Variants in RSU1 observed in about 807,000 individuals in gnomAD.
RSU1 encodes rsu-1.
A neutral mutation model predicts 31.1 loss-of-function variants in RSU1; 26 were observed. The ratio of observed to expected loss-of-function variants is 0.84; its 90% CI spans 0.61 to 1.16. The LOEUF (loss-of-function observed/expected upper bound fraction) is 1.16, where lower values mean the gene tolerates loss of function less well. Ranked by LOEUF, RSU1 falls within the 50% of genes most tolerant of loss-of-function variation. RSU1 has a pLI of 0.00. For synonymous variants in RSU1, 164 were observed against 136.3 expected (o/e 1.20, Z -1.41); for missense variants, 320 against 339.1 (o/e 0.94, Z 0.44).
chr10:16,714,585 G>C (rs73604881), intron 7 of RSU1, among the ~76,000 whole-genome samples: 1,863 of 152,216 alleles, frequency 0.012, 37 homozygotes, highest in African/African-American at 0.043. Context: ...GCACCGTACA[G>C]ATCTGCCTGT....
chr10:16,798,417 G>A (rs752465503), intron 2 of RSU1, among the ~76,000 whole-genome samples: 9 of 152,206 alleles, frequency 5.9e-5, no homozygotes, highest in Non-Finnish European at 1.0e-4. Context: ...GAGACCGGGT[G>A]GAGATAACTG....
At position 16,782,161 on chromosome 10, in the gene RSU1, A is replaced by C. The variant is rs1164653857; in HGVS notation, c.110-77T>G. ...CCGGATTCTACCTGTACTCCTACAA[A>C]GCAAACGGCAAAGTTATTTTCACAG... On this transcript the variant is annotated intron_variant, in intron 2 of 8. Transcript: ENST00000345264. The C allele has an allele frequency of 2.6e-6, 3 of 1,148,270 alleles. No individual in the cohort carries two copies. In the Admixed American group the frequency reaches 6.0e-5, roughly 23 times the overall value. 71.1% of individuals were successfully genotyped at this position (1,148,270 alleles called of 1,614,324 possible). A position where few individuals can be genotyped will look rare whatever the true frequency, so the allele number is the denominator to read the frequency against.
At chr10:16,696,066 C>T (rs554477442) in intron 7 of RSU1, among the ~76,000 whole-genome samples, 4 of 152,134 alleles carry the variant, frequency 2.6e-5, no homozygotes, top group East Asian at 1.9e-4. Flanking sequence ...AAAATGCGCT[C>T]GCCTATGAAA....
chr10:16,595,406 G>A (rs1015701732), intron 8 of RSU1, among the ~76,000 whole-genome samples: 16 of 152,272 alleles, frequency 1.1e-4, no homozygotes, highest in East Asian at 5.8e-4. Flanking sequence ...AGGTTCCATC[G>A]GCGGTCACTC....
At chr10:16,723,320 A>C (rs1018566482) in intron 7 of RSU1, 3 of 152,206 alleles carry the variant, frequency 2.0e-5, no homozygotes, top group Admixed American at 1.3e-4. Flanking sequence ...TGTTGCTGTC[A>C]CTTTAAATCT....
At position 16,783,364 on chromosome 10, in the gene RSU1, C is replaced by CTTTTTTTTTTTTTTT. The variant is rs57270890; in HGVS notation, c.110-1281_110-1280insAAAAAAAAAAAAAAA. Among the ~76,000 whole-genome samples the CTTTTTTTTTTTTTTT allele has an allele frequency of 1.7e-4, 23 of 132,054 alleles. 2 individuals carry two copies. The highest frequency in any genetic ancestry group is 2.9e-4 in the African/African-American group (9 of 30,996). 86.6% of individuals were successfully genotyped at this position (132,054 alleles called of 152,430 possible). A position where few individuals can be genotyped will look rare whatever the true frequency, so the allele number is the denominator to read the frequency against. On this transcript the variant is annotated intron_variant, in intron 2 of 8. Coordinates refer to ENST00000345264, the MANE Select transcript of RSU1 (RefSeq NM_012425.4). ...TCACTTCTACTGACCACAACTTTTG[C>CTTTTTTTTTTTTTTT]TTTTTTTTTTGAGACTGAGTCTCAC... is the stretch of plus-strand genomic sequence containing the variant.
intron 2 of RSU1, among the ~76,000 whole-genome samples, chr10:16,810,560 C>A (rs1838386772): frequency 6.6e-6 from 1 of 152,142 alleles, no homozygotes. Context: ...AGCCGCCCAA[C>A]TTCTCCTGGG....
intron 4 of RSU1, among the ~76,000 whole-genome samples, chr10:16,756,827 CTGTG>C (rs935360339): frequency 2.2e-5 from 3 of 137,364 alleles, no homozygotes; most frequent in Non-Finnish European, 4.6e-5. Flanking sequence ...GGGGTGTGTG[CTGTG>C]TGTGTGTGGT....
chr10:16,713,862 T>G (rs911707373), intron 7 of RSU1, among the ~76,000 whole-genome samples: 1 of 152,166 alleles, frequency 6.6e-6, no homozygotes, highest in African/African-American at 2.4e-5. Flanking sequence ...TGTAGATAGG[T>G]CCCAAGGTGT....
chr10:16,725,662 G>A (rs1836378808), intron 7 of RSU1, among the ~76,000 whole-genome samples: 1 of 151,612 alleles, frequency 6.6e-6, no homozygotes, highest in Admixed American at 6.6e-5. Flanking sequence ...CTCTTCTCCA[G>A]AGGATGCAGT....
intron 7 of RSU1, among the ~76,000 whole-genome samples, chr10:16,731,155 G>C (rs977773470): frequency 4.6e-5 from 7 of 152,044 alleles, no homozygotes; most frequent in Middle Eastern, 3.2e-3. Context: ...AAGTATTCTC[G>C]TGTCATTTTA....
At chr10:16,781,711 G>A (rs1368415678) in intron 3 of RSU1, among the ~76,000 whole-genome samples, 1 of 152,160 alleles carries the variant, frequency 6.6e-6, no homozygotes, top group African/African-American at 2.4e-5. Flanking sequence ...TTCAGGCCAG[G>A]CGCCACGGTT....
intron 2 of RSU1, among the ~76,000 whole-genome samples, chr10:16,801,637 T>C (rs994673191): frequency 6.6e-6 from 1 of 152,086 alleles, no homozygotes; most frequent in African/African-American, 2.4e-5. Context: ...GACCACATTC[T>C]GGGCCATAAA....
At chr10:16,641,349 G>A (rs908259831) in intron 8 of RSU1, among the ~76,000 whole-genome samples, 4 of 151,988 alleles carry the variant, frequency 2.6e-5, no homozygotes, top group South Asian at 2.1e-4. Context: ...AAAATTAACC[G>A]GGCGTGGTGA....
chr10:16,733,834 AAC>A (rs1564337429), intron 7 of RSU1, among the ~76,000 whole-genome samples: 2 of 152,242 alleles, frequency 1.3e-5, no homozygotes, highest in African/African-American at 4.8e-5. Context: ...GTTGAGAAAT[AAC>A]AGTCTCCAAG....
At chr10:16,763,306 G>C (rs139499785) in intron 4 of RSU1, among the ~76,000 whole-genome samples, 1 of 152,146 alleles carries the variant, frequency 6.6e-6, no homozygotes. Context: ...TGGTTCTACC[G>C]GCTGTATAGG....
At chr10:16,661,273 A>T (rs1328231164) in intron 8 of RSU1, among the ~76,000 whole-genome samples, 1 of 141,006 alleles carries the variant, frequency 7.1e-6, no homozygotes, top group East Asian at 2.1e-4. Flanking sequence ...TGTATGTGTG[A>T]TATGTAGAGA....
chr10:16,609,685 C>A (rs1833862925), intron 8 of RSU1, among the ~76,000 whole-genome samples: 1 of 152,186 alleles, frequency 6.6e-6, no homozygotes. Flanking sequence ...ACTACCCCAA[C>A]AATATTCTCA....
intron 8 of RSU1, among the ~76,000 whole-genome samples, chr10:16,604,725 A>T (rs1833772150): frequency 6.6e-6 from 1 of 151,840 alleles, no homozygotes; most frequent in Non-Finnish European, 1.5e-5. Flanking sequence ...AGGTGTTCAG[A>T]CTCCGGGGTC....
Sources: gnomAD v4.1 joint callset for allele counts (sites outside exome capture counted in the v4.1 genomes callset) on GRCh38, gnomAD v4.1.1 for gene constraint, MANE v1.5 for transcripts, NCBI Gene and HGNC (gene_info 2026-07-23, HGNC 2026-07-21) for gene names.